The following KLK11 variants were observed in gnomAD, a reference collection of about 807,000 sequenced individuals.
KLK11 encodes the protein kallikrein related peptidase 11, also known as kallikrein-11.
A neutral mutation model predicts 23.4 loss-of-function variants in KLK11; 10 were observed. The ratio of observed to expected loss-of-function variants is 0.43; its 90% CI spans 0.26 to 0.73. The LOEUF is 0.73. KLK11 is among the 30% of genes least tolerant of loss of function. The probability of loss-of-function intolerance (pLI) is 0.22; values close to 1 mark genes in which losing one functional copy is unlikely to be tolerated. For synonymous variants in KLK11, 131 were observed against 131.7 expected (o/e 0.99, Z 0.03); for missense variants, 285 against 327.8 (o/e 0.87, Z 1.01).
upstream of KLK11, chr19:51,027,323 A>G: frequency 1.1e-6 from 1 of 899,754 alleles, no homozygotes; most frequent in African/African-American, 1.6e-5. Flanking sequence ...GTGGAAGCCG[A>G]GTCCAGGAAA....
chr19:51,026,316 G>A (rs1276030417), intron 1 of KLK11, among the ~76,000 whole-genome samples: 1 of 151,976 alleles, frequency 6.6e-6, no homozygotes, highest in Non-Finnish European at 1.5e-5. Flanking sequence ...GCGGGGGTGG[G>A]AGCAGAGGGC....
At chr19:51,026,326 C>T (rs551212854) in intron 1 of KLK11, among the ~76,000 whole-genome samples, 2 of 152,020 alleles carry the variant, frequency 1.3e-5, no homozygotes, top group East Asian at 1.9e-4. Flanking sequence ...GAGCAGAGGG[C>T]CAGCTCAGCA....
rs752124544 is a variant in KLK11 at position 51,022,527 on chromosome 19, G to A, written c.*18C>T. 1.2e-6 allele frequency: 2 copies of A among 1,614,090 alleles called. No individual in the cohort carries two copies. Among genetic ancestry groups the A allele is most frequent in the Non-Finnish European group, 1.7e-6 (2 of 1,179,950 alleles). ...AAGTGGAAATGGAGGGTGATGGGCT[G>A]TGGTGGGTGGGTCCAGTCTAATTGT... On this transcript the variant is annotated 3_prime_UTR_variant, in exon 6 of 6. Transcript: ENST00000453757.
In KLK11 at chr19:51,024,071, C is replaced by T; in HGVS notation, c.437G>A (p.Gly146Asp). The T allele has an allele frequency of 6.4e-7, 1 of 1,552,782 alleles. No individual in the cohort carries two copies. Among genetic ancestry groups the T allele is most frequent in the Non-Finnish European group, 8.7e-7 (1 of 1,144,688 alleles). The change falls in exon 4 of 6, where the codon GGC becomes GAC. Residue 146 changes from glycine (G) to aspartate (D), a missense_variant. Gly to Asp is a moderately conservative substitution (Grantham distance 94). Transcript: ENST00000453757. The surrounding 1 kb of genome is among the most constrained non-coding windows in gnomAD (Gnocchi z 6.2). ...CTGGGGGCTGGACGTGCTGCCCCAG[C>T]CGGAAATGAGGCAGCTGGTGCCAGC... ...VTAGTSCLISGWGSTSSPQLR... is the reference protein window; with the variant it reads ...VTAGTSCLISDWGSTSSPQLR...
intron 4 of KLK11, 159 bp downstream of exon 4, chr19:51,023,886 C>A (rs186565215): frequency 1.7e-6 from 1 of 604,612 alleles, no homozygotes; most frequent in Non-Finnish European, 2.6e-6. Context: ...AAGGCCCCAA[C>A]TTTTGTCCCC....
At chr19:51,023,252 G>A (rs200411681) in intron 4 of KLK11, 24 bp from the exon 5 acceptor site, 1 of 1,607,904 alleles carries the variant, frequency 6.2e-7, no homozygotes, top group South Asian at 1.1e-5. Context: ...GTGAGGGGCT[G>A]TGGGAATGAG....
Position 51,024,802 on chromosome 19 carries a change from G to T in KLK11, c.41-8C>A. On this transcript the variant is annotated splice_region_variant and splice_polypyrimidine_tract_variant and intron_variant, in intron 2 of 5. Transcript: ENST00000453757. This position sits in a 1 kb window ranked among gnomAD's most constrained non-coding sequence, Gnocchi z 6.2. ...TCTCTCCCCCTACAAGCCCTGGAGG[G>T]GGTGAGAGCAAAAGAAGGGGCTCAG... 1 of 1,555,678 alleles carries T rather than the reference G, an allele frequency of 6.4e-7. No individual in the cohort carries two copies. Among genetic ancestry groups the T allele is most frequent in the Admixed American group, 2.2e-5 (1 of 45,164 alleles).
chr19:51,022,781 A>G, intron 5 of KLK11, 84 bp from the exon 6 acceptor site: 1 of 1,456,962 alleles, frequency 6.9e-7, no homozygotes, highest in Admixed American at 1.7e-5. Flanking sequence ...GGTGCTTAGG[A>G]GTGGGGCCGA....
Position 51,022,459 on chromosome 19 carries a change from G to T in KLK11, c.*86C>A. The T allele has an allele frequency of 1.3e-6, 2 of 1,530,458 alleles. No homozygotes were observed. The highest frequency in any genetic ancestry group is 9.0e-7 in the Non-Finnish European group (1 of 1,105,372). 94.8% of individuals were successfully genotyped at this position (1,530,458 alleles called of 1,614,324 possible). A position where few individuals can be genotyped will look rare whatever the true frequency, so the allele number is the denominator to read the frequency against. ...CAAAGAATGTTCGTAGAGGGTCTTGGCTTAGGGTTTCTTATTAACAGAGTG... is the reference window on the plus strand; with the variant it reads ...CAAAGAATGTTCGTAGAGGGTCTTGTCTTAGGGTTTCTTATTAACAGAGTG... On this transcript the variant is annotated 3_prime_UTR_variant, in exon 6 of 6. Transcript: ENST00000453757.
chr19:51,027,698 A>G, upstream of KLK11: 1 of 605,882 alleles, frequency 1.7e-6, no homozygotes, highest in Non-Finnish European at 2.9e-6. Context: ...TCCTACTACT[A>G]TGACTACCCT....
Position 51,022,368 on chromosome 19 carries a change from G to C in KLK11, c.*177C>G, listed in dbSNP as rs2091414038. The C allele has an allele frequency of 1.5e-6, 1 of 674,072 alleles. No homozygotes were observed. Among genetic ancestry groups the C allele is most frequent in the Admixed American group, 2.6e-5 (1 of 38,724 alleles). The allele number at this position is 674,072 out of a possible 1,614,324, so 41.8% of individuals were successfully genotyped here. Reference sequence around the variant, plus strand: ...TATTTCAAGGCAGAATTTGAATCCAGGTCTCACTGATTTCGAACCCCAGGT... The same window carrying C: ...TATTTCAAGGCAGAATTTGAATCCACGTCTCACTGATTTCGAACCCCAGGT... On this transcript the variant is annotated 3_prime_UTR_variant, in exon 6 of 6. Transcript: ENST00000453757.
At chr19:51,027,383 C>T (rs1053276851), upstream of KLK11, 39 of 1,487,740 alleles carry the variant, frequency 2.6e-5, no homozygotes, top group African/African-American at 4.1e-5. Context: ...TCTGGGGCCT[C>T]GCTCCTCTGC....
At chr19:51,027,787 G>A (rs1444111221), upstream of KLK11, 1 of 424,182 alleles carries the variant, frequency 2.4e-6, no homozygotes, top group East Asian at 4.3e-5. Flanking sequence ...AGACCTGCTT[G>A]CAGGGGAGGT....
chr19:51,022,263 T>C lies in KLK11; in HGVS notation c.*282A>G, dbSNP rs1364667388. ...ATTTAGCAAATATTTATTGAAACCT[T>C]GATATATGGCCAGGAGCTGTCTTTG... On this transcript the variant is annotated 3_prime_UTR_variant, in exon 6 of 6. Coordinates refer to ENST00000453757, the MANE Select transcript of KLK11 (RefSeq NM_001136032.3). The C allele has an allele frequency of 4.3e-6, 2 of 462,548 alleles. No homozygotes were observed. Among genetic ancestry groups the C allele is most frequent in the African/African-American group, 2.0e-5 (1 of 50,588 alleles). 28.7% of individuals were successfully genotyped at this position (462,548 alleles called of 1,614,324 possible). A position where few individuals can be genotyped will look rare whatever the true frequency, so the allele number is the denominator to read the frequency against.
At chr19:51,023,529 C>T (rs994366032) in intron 4 of KLK11, 27 of 288,180 alleles carry the variant, frequency 9.4e-5, no homozygotes, top group African/African-American at 4.2e-4. Context: ...GGATTACAGG[C>T]GCACACAACC....
rs540480575 is a variant in KLK11 at position 51,022,996 on chromosome 19, C to T, written c.600+96G>A. 2.4e-5 allele frequency: 33 copies of T among 1,364,440 alleles called. No individual in the cohort carries two copies. The South Asian group carries it at 3.7e-4, about 15-fold the overall frequency. The allele number at this position is 1,364,440 out of a possible 1,614,324, so 84.5% of individuals were successfully genotyped here. A position where few individuals can be genotyped will look rare whatever the true frequency, so the allele number is the denominator to read the frequency against. On this transcript the variant is annotated intron_variant, in intron 5 of 5. Coordinates refer to ENST00000453757, the MANE Select transcript of KLK11 (RefSeq NM_001136032.3). ...GAGATGGATTGGGAGTTGCAGGGGTCGGCGGGTTGAGGTTGGGGATGAAAT... is the reference window on the plus strand; with the variant it reads ...GAGATGGATTGGGAGTTGCAGGGGTTGGCGGGTTGAGGTTGGGGATGAAAT...
chr19:51,027,370 T>A, upstream of KLK11: 1 of 1,357,796 alleles, frequency 7.4e-7, no homozygotes, highest in Non-Finnish European at 1.0e-6. Flanking sequence ...ACCCCAGGGC[T>A]CCTCTGGGGC....
chr19:51,023,470 C>T (rs913349940), intron 4 of KLK11: 17 of 397,780 alleles, frequency 4.3e-5, no homozygotes, highest in Admixed American at 2.9e-4. Flanking sequence ...CTGCAACCTC[C>T]GTCTCCCAAG....
Position 51,024,480 on chromosome 19 carries a change from C to A in KLK11, c.197+158G>T. 3 of 1,265,098 alleles carry A rather than the reference C, an allele frequency of 2.4e-6. No individual in the cohort carries two copies. Among genetic ancestry groups the A allele is most frequent in the Non-Finnish European group, 3.2e-6 (3 of 934,660 alleles). 78.4% of individuals were successfully genotyped at this position (1,265,098 alleles called of 1,614,324 possible). On this transcript the variant is annotated intron_variant, in intron 3 of 5. Transcript: ENST00000453757. The surrounding 1 kb of genome is among the most constrained non-coding windows in gnomAD (Gnocchi z 6.2). ...TAGCCCCATCCCAACCCCATTCATC[C>A]CCCCACCTTCAATACCAACTCGAGC...
Sources: gnomAD v4.1 joint callset for allele counts (sites outside exome capture counted in the v4.1 genomes callset) on GRCh38, gnomAD v4.1.1 for gene constraint, Gnocchi (gnomAD v3.1) non-coding constraint, MANE v1.5 for transcripts, NCBI Gene and HGNC (gene_info 2026-07-23, HGNC 2026-07-21) for gene names.